The following RBFOX1 variants were observed in gnomAD, a reference collection of about 807,000 sequenced individuals.
RBFOX1 encodes RNA binding fox-1 homolog 1, also known as RNA binding protein fox-1 homolog 1.
A neutral mutation model predicts 57.7 loss-of-function variants in RBFOX1; 8 were observed. That is an observed-to-expected ratio of 0.14 (90% CI 0.08 to 0.25). The LOEUF (loss-of-function observed/expected upper bound fraction) is 0.25, where lower values mean the gene tolerates loss of function less well. RBFOX1 is among the 10% of genes least tolerant of loss of function. The pLI is 1.00. For synonymous variants in RBFOX1, 326 were observed against 222.4 expected (o/e 1.47, Z -4.15); for missense variants, 611 against 548.5 (o/e 1.11, Z -1.14).
intron 2 of RBFOX1, among the ~76,000 whole-genome samples, chr16:5,502,583 G>A (rs2043236650): frequency 6.6e-6 from 1 of 152,162 alleles, no homozygotes; most frequent in Non-Finnish European, 1.5e-5. Flanking sequence ...CATCTTTGCA[G>A]GGCAGCGAGA....
At chr16:7,351,252 C>G (rs1201673750) in intron 4 of RBFOX1, among the ~76,000 whole-genome samples, 2 of 152,202 alleles carry the variant, frequency 1.3e-5, no homozygotes, top group African/African-American at 4.8e-5. Flanking sequence ...CTCTCTGAGC[C>G]TCAGTTCATT....
intron 4 of RBFOX1, among the ~76,000 whole-genome samples, chr16:7,176,433 T>C (rs558949663): frequency 4.6e-5 from 7 of 152,190 alleles, no homozygotes; most frequent in South Asian, 4.1e-4. Context: ...ATAATAGATA[T>C]GTACGAGGTA....
intron 3 of RBFOX1, among the ~76,000 whole-genome samples, chr16:6,753,935 T>C (rs370718957): frequency 6.6e-6 from 1 of 152,116 alleles, no homozygotes; most frequent in African/African-American, 2.4e-5. Flanking sequence ...AATGCTTAAT[T>C]ACTGAAGGAG....
chr16:5,797,767 G>T (rs376333658), intron 3 of RBFOX1, among the ~76,000 whole-genome samples: 3 of 152,096 alleles, frequency 2.0e-5, no homozygotes, highest in African/African-American at 7.2e-5. Context: ...GCTAAAATAC[G>T]ATAAGCAGCC....
chr16:5,854,142 T>A (rs1186917151), intron 3 of RBFOX1, among the ~76,000 whole-genome samples: 1 of 152,226 alleles, frequency 6.6e-6, no homozygotes, highest in African/African-American at 2.4e-5. Context: ...ATCAAGCTAA[T>A]GATCATATCT....
At chr16:6,758,025 C>A (rs769945348) in intron 3 of RBFOX1, among the ~76,000 whole-genome samples, 1 of 152,140 alleles carries the variant, frequency 6.6e-6, no homozygotes, top group Non-Finnish European at 1.5e-5. Context: ...TGAACTGTCA[C>A]ACTTTTAAGA....
intron 4 of RBFOX1, among the ~76,000 whole-genome samples, chr16:7,389,926 T>C (rs1254080062): frequency 6.6e-6 from 1 of 152,202 alleles, no homozygotes; most frequent in Non-Finnish European, 1.5e-5. Flanking sequence ...TATAAAGAGA[T>C]ACCTGAGTCT....
At chr16:6,169,630 T>C (rs2096943473) in intron 1 of RBFOX1, among the ~76,000 whole-genome samples, 1 of 152,204 alleles carries the variant, frequency 6.6e-6, no homozygotes, top group Non-Finnish European at 1.5e-5. Context: ...AGAACTGAGC[T>C]AGATTGGTTA....
chr16:6,160,326 T>C (rs1292624725), intron 1 of RBFOX1, among the ~76,000 whole-genome samples: 1 of 152,162 alleles, frequency 6.6e-6, no homozygotes, highest in Non-Finnish European at 1.5e-5. Context: ...ATATAGATAG[T>C]AAAGTGGTTA....
chr16:6,184,593 T>G (rs2097092964), intron 1 of RBFOX1, among the ~76,000 whole-genome samples: 1 of 152,226 alleles, frequency 6.6e-6, no homozygotes, highest in African/African-American at 2.4e-5. Flanking sequence ...AGAGTCTCGC[T>G]CTTTTGCCCA....
chr16:6,679,965 A>T (rs1193549710), intron 3 of RBFOX1, among the ~76,000 whole-genome samples: 2 of 139,912 alleles, frequency 1.4e-5, no homozygotes, highest in Non-Finnish European at 3.0e-5. Flanking sequence ...GTGTTTTTAT[A>T]TAATCTGCCT....
intron 1 of RBFOX1, among the ~76,000 whole-genome samples, chr16:5,258,855 G>T (rs1373712165): frequency 1.3e-5 from 2 of 151,988 alleles, no homozygotes; most frequent in African/African-American, 2.4e-5. Context: ...GGTGGAAGTT[G>T]CAGTGAGCTA....
intron 3 of RBFOX1, among the ~76,000 whole-genome samples, chr16:7,026,903 C>T (rs546955382): frequency 2.0e-5 from 3 of 152,166 alleles, no homozygotes; most frequent in African/African-American, 2.4e-5. Flanking sequence ...GCCTGTGCCC[C>T]GTAGGGTAAT....
intron 3 of RBFOX1, among the ~76,000 whole-genome samples, chr16:6,859,125 A>ATATATATG (rs2058454814): frequency 1.5e-5 from 1 of 66,328 alleles, no homozygotes; most frequent in South Asian, 5.1e-4. Flanking sequence ...ATATATATAT[A>ATATATATG]TATACATATA....
chr16:5,849,361 C>T (rs2056834561), intron 3 of RBFOX1, among the ~76,000 whole-genome samples: 1 of 152,028 alleles, frequency 6.6e-6, no homozygotes, highest in Non-Finnish European at 1.5e-5. Context: ...ACTGAAATCA[C>T]CATGAGGCCC....
intron 1 of RBFOX1, among the ~76,000 whole-genome samples, chr16:5,420,715 T>G (rs1051967456): frequency 3.3e-5 from 5 of 152,032 alleles, no homozygotes; most frequent in African/African-American, 1.2e-4. Flanking sequence ...TGTATACTTT[T>G]GGTAGAGATG....
chr16:7,489,355 T>C (rs1567462290), intron 4 of RBFOX1, among the ~76,000 whole-genome samples: 1 of 152,232 alleles, frequency 6.6e-6, no homozygotes, highest in Non-Finnish European at 1.5e-5. Flanking sequence ...GTTCTTAAAA[T>C]AGCAAATATT....
At chr16:7,267,289 C>T (rs1318195288) in intron 4 of RBFOX1, among the ~76,000 whole-genome samples, 1 of 152,036 alleles carries the variant, frequency 6.6e-6, no homozygotes, top group Non-Finnish European at 1.5e-5. Context: ...AATGCGAGCA[C>T]TTTCGGAGGC....
At chr16:5,664,739 C>A (rs921422511) in intron 3 of RBFOX1, among the ~76,000 whole-genome samples, 1 of 152,122 alleles carries the variant, frequency 6.6e-6, no homozygotes, top group African/African-American at 2.4e-5. Context: ...TTGGTCCACA[C>A]GGTCCTAATT....
Sources: gnomAD v4.1 joint callset for allele counts (sites outside exome capture counted in the v4.1 genomes callset) on GRCh38, gnomAD v4.1.1 for gene constraint, MANE v1.5 for transcripts, NCBI Gene and HGNC (gene_info 2026-07-23, HGNC 2026-07-21) for gene names.